Variants in LRMDA observed in about 807,000 individuals in gnomAD.
LRMDA encodes the protein leucine-rich melanocyte differentiation-associated protein.
In LRMDA, 18 loss-of-function variants were observed where a neutral mutation model predicts 29.8. The observed-to-expected ratio is 0.60, with a 90% CI of 0.42 to 0.90. The LOEUF (loss-of-function observed/expected upper bound fraction) is 0.90, where lower values mean the gene tolerates loss of function less well. Among genes scored for constraint, LRMDA ranks in the 40% least tolerant of loss-of-function variants. The pLI is 0.00. For missense variants in LRMDA, 273 were observed against 273.9 expected (o/e 1.00, Z 0.02); for synonymous variants, 125 against 109.4 (o/e 1.14, Z -0.89).
chr10:75,630,309 C>T (rs1280684118), intron 2 of LRMDA, among the ~76,000 whole-genome samples: 1 of 152,162 alleles, frequency 6.6e-6, no homozygotes, highest in East Asian at 1.9e-4. Flanking sequence ...GAAGACCATC[C>T]CCCGCTTCCC....
intron 2 of LRMDA, among the ~76,000 whole-genome samples, chr10:76,010,314 CTT>C (rs71024580): frequency 2.1e-4 from 29 of 138,814 alleles, no homozygotes; most frequent in Admixed American, 5.1e-4. Flanking sequence ...AATTTATATC[CTT>C]TTTTTTTTTT....
At chr10:76,102,075 A>G (rs1219134435) in intron 5 of LRMDA, among the ~76,000 whole-genome samples, 1 of 152,184 alleles carries the variant, frequency 6.6e-6, no homozygotes, top group Non-Finnish European at 1.5e-5. Flanking sequence ...TGTTTTCAAG[A>G]TTATCCACAT....
At chr10:76,033,940 G>T (rs1169301767) in intron 2 of LRMDA, among the ~76,000 whole-genome samples, 1 of 151,978 alleles carries the variant, frequency 6.6e-6, no homozygotes, top group Admixed American at 6.5e-5. Context: ...CCCAGGGTCA[G>T]GGCGTCTGGA....
intron 2 of LRMDA, among the ~76,000 whole-genome samples, chr10:75,906,541 G>A (rs921672831): frequency 2.0e-5 from 3 of 152,090 alleles, no homozygotes; most frequent in Admixed American, 6.5e-5. Flanking sequence ...TGGGATTAAC[G>A]AAAAAAGCAA....
At chr10:76,036,262 A>G in intron 3 of LRMDA, 128 bp downstream of exon 3, 1 of 979,036 alleles carries the variant, frequency 1.0e-6, no homozygotes, top group South Asian at 1.7e-5. Flanking sequence ...AAAGTATGTG[A>G]AATACAGTTC....
chr10:76,048,833 G>A (rs1848484278), intron 4 of LRMDA, among the ~76,000 whole-genome samples: 1 of 152,156 alleles, frequency 6.6e-6, no homozygotes, highest in Non-Finnish European at 1.5e-5. Flanking sequence ...TCTAGAGAAT[G>A]GCTTCCAGTG....
intron 6 of LRMDA, among the ~76,000 whole-genome samples, chr10:76,438,215 C>T (rs959773874): frequency 6.6e-6 from 1 of 152,120 alleles, no homozygotes; most frequent in Non-Finnish European, 1.5e-5. Context: ...CAGCATCACA[C>T]TGAATAGAGC....
intron 2 of LRMDA, among the ~76,000 whole-genome samples, chr10:75,764,681 G>C (rs12264499): frequency 6.6e-6 from 1 of 152,126 alleles, no homozygotes; most frequent in South Asian, 2.1e-4. Flanking sequence ...ACAGATAGAC[G>C]GGAGAATGAG....
At chr10:75,458,611 T>A (rs1288998186) in intron 2 of LRMDA, among the ~76,000 whole-genome samples, 1 of 152,138 alleles carries the variant, frequency 6.6e-6, no homozygotes, top group Admixed American at 6.5e-5. Context: ...ACTTAACAAT[T>A]TTGAGGCATG....
chr10:75,741,337 C>G (rs1842826955), intron 2 of LRMDA, among the ~76,000 whole-genome samples: 1 of 152,126 alleles, frequency 6.6e-6, no homozygotes, highest in Admixed American at 6.5e-5. Context: ...ATGCCCGCCT[C>G]CATCTCAAGT....
intron 6 of LRMDA, among the ~76,000 whole-genome samples, chr10:76,362,550 A>G (rs1191427473): frequency 6.6e-6 from 1 of 152,188 alleles, no homozygotes; most frequent in Non-Finnish European, 1.5e-5. Context: ...AAAATTAGTA[A>G]TCTTTTTTAT....
At chr10:76,365,935 T>A (rs186192506) in intron 6 of LRMDA, among the ~76,000 whole-genome samples, 29 of 152,276 alleles carry the variant, frequency 1.9e-4, no homozygotes, top group Admixed American at 1.7e-3. Context: ...AGGTAAGAGA[T>A]GAGGATACAG....
chr10:76,390,839 A>G (rs1841715388), intron 6 of LRMDA, among the ~76,000 whole-genome samples: 1 of 152,168 alleles, frequency 6.6e-6, no homozygotes, highest in Admixed American at 6.5e-5. Flanking sequence ...TTCTTGACAC[A>G]TGTACTGATG....
chr10:75,911,011 A>ATT (rs5786199), intron 2 of LRMDA, among the ~76,000 whole-genome samples: 7 of 148,330 alleles, frequency 4.7e-5, no homozygotes, highest in East Asian at 2.0e-4. Flanking sequence ...ATTAAACAGC[A>ATT]TTTTTTTTTT....
intron 6 of LRMDA, chr10:76,536,025 C>A (rs566948518): frequency 1.3e-5 from 2 of 152,148 alleles, no homozygotes; most frequent in African/African-American, 4.8e-5. Flanking sequence ...GATCCACCTG[C>A]CTTGGCCTCC....
intron 5 of LRMDA, among the ~76,000 whole-genome samples, chr10:76,163,399 G>A (rs1347130723): frequency 6.6e-6 from 1 of 152,074 alleles, no homozygotes; most frequent in East Asian, 1.9e-4. Context: ...TGAGTCCCAG[G>A]CAGTCACATT....
chr10:76,491,440 A>G (rs1005706462), intron 6 of LRMDA, among the ~76,000 whole-genome samples: 1 of 152,022 alleles, frequency 6.6e-6, no homozygotes, highest in African/African-American at 2.4e-5. Flanking sequence ...CATTTTCACC[A>G]GATAAGCTAT....
intron 2 of LRMDA, among the ~76,000 whole-genome samples, chr10:75,657,118 C>T (rs1841686448): frequency 6.6e-6 from 1 of 152,174 alleles, no homozygotes; most frequent in South Asian, 2.1e-4. Context: ...AGAAGGCTGT[C>T]CATTTACATA....
chr10:75,621,391 C>T (rs935979288), intron 2 of LRMDA, among the ~76,000 whole-genome samples: 5 of 152,172 alleles, frequency 3.3e-5, no homozygotes, highest in African/African-American at 4.8e-5. Context: ...TGTGTGCCTG[C>T]CTTTGTACTT....
Sources: allele counts gnomAD v4.1 joint callset (sites outside exome capture counted in the v4.1 genomes callset), GRCh38; gene constraint gnomAD v4.1.1; transcripts MANE v1.5; gene names NCBI Gene and HGNC (gene_info 2026-07-23, HGNC 2026-07-21).